The following BSN variants were observed in gnomAD, a reference collection of about 807,000 sequenced individuals.
The protein encoded by BSN is protein bassoon.
BSN carries 57 observed loss-of-function variants against 264.8 expected under a neutral mutation model. That is an observed-to-expected ratio of 0.22 (90% CI 0.17 to 0.27). The LOEUF is 0.27. BSN is among the 10% of genes least tolerant of loss of function. The probability of loss-of-function intolerance (pLI) is 1.00; values close to 1 mark genes in which losing one functional copy is unlikely to be tolerated. For synonymous variants in BSN, 2,059 were observed against 2,137.3 expected (o/e 0.96, Z 1.01); for missense variants, 4,615 against 5,232.5 (o/e 0.88, Z 3.64).
intron 1 of BSN, among the ~76,000 whole-genome samples, chr3:49,571,514 A>T (rs2051795064): frequency 6.6e-6 from 1 of 152,158 alleles, no homozygotes; most frequent in Non-Finnish European, 1.5e-5. Context: ...ATAAGGCTCC[A>T]GGGCCAGAAG....
chr3:49,649,801 C>T (rs901129158), intron 3 of BSN, among the ~76,000 whole-genome samples: 2 of 152,346 alleles, frequency 1.3e-5, no homozygotes, highest in African/African-American at 4.8e-5. Flanking sequence ...GGGCCTGAAA[C>T]AGTAGAGGAT....
chr3:49,602,849 C>G (rs1038253219), intron 1 of BSN, among the ~76,000 whole-genome samples: 3 of 152,170 alleles, frequency 2.0e-5, no homozygotes, highest in Non-Finnish European at 2.9e-5. Context: ...AAGAAACGAC[C>G]AGTTTCTGAT....
intron 1 of BSN, among the ~76,000 whole-genome samples, chr3:49,575,398 GTA>G (rs1191503487): frequency 6.8e-6 from 1 of 146,724 alleles, no homozygotes; most frequent in Non-Finnish European, 1.5e-5. Flanking sequence ...ATATATGTGT[GTA>G]TATATATGTA....
intron 1 of BSN, among the ~76,000 whole-genome samples, chr3:49,561,342 G>A (rs544771200): frequency 1.3e-5 from 2 of 152,134 alleles, no homozygotes; most frequent in African/African-American, 2.4e-5. Flanking sequence ...GTCCTATCTG[G>A]GACTAACCCC....
rs192201007 is a variant in BSN, at chr3:49,635,923, G to C, written c.634-6345G>C. Among the ~76,000 whole-genome samples the C allele has an allele frequency of 4.6e-3, 685 of 150,372 alleles. 3 individuals carry two copies. The highest frequency in any genetic ancestry group is 7.6e-3 in the Non-Finnish European group (513 of 67,828). On this transcript the variant is annotated intron_variant, in intron 2 of 11. Transcript: ENST00000296452. The stretch of plus-strand genomic sequence containing the variant: ...GAGTCTGGGAGGTGGAGGTTGCAGA[G>C]AGCCATGATCATGGCACTGCACTTC...
chr3:49,601,313 A>C (rs1441591754), intron 1 of BSN, among the ~76,000 whole-genome samples: 3 of 152,194 alleles, frequency 2.0e-5, no homozygotes, highest in Non-Finnish European at 4.4e-5. Context: ...AGCCACCTGG[A>C]TGTCACATGT....
chr3:49,561,999 G>A (rs1205943920), intron 1 of BSN, among the ~76,000 whole-genome samples: 3 of 151,888 alleles, frequency 2.0e-5, no homozygotes, highest in Admixed American at 6.6e-5. Context: ...GTAGAGACTG[G>A]GTTTCACCAT....
chr3:49,630,384 G>A (rs1029238202), intron 2 of BSN, among the ~76,000 whole-genome samples: 4 of 152,194 alleles, frequency 2.6e-5, no homozygotes, highest in Non-Finnish European at 5.9e-5. Flanking sequence ...CTAGTCCTTG[G>A]GCAGTTTGCT....
chr3:49,560,740 G>T (rs917423492), intron 1 of BSN, among the ~76,000 whole-genome samples: 1 of 152,194 alleles, frequency 6.6e-6, no homozygotes, highest in East Asian at 1.9e-4. Context: ...TAGCACAGTG[G>T]TTGAAGCTGT....
Position 49,585,304 on chromosome 3 carries a change from G to A in BSN, c.224+30478G>A, listed in dbSNP as rs1368966313. ...GGGAAACAGACTGAGGGAATCAGAA[G>A]CACCACTGTCCATCCGGAATTAAAT... On this transcript the variant is annotated intron_variant, in intron 1 of 11. Transcript: ENST00000296452. The surrounding 1 kb of genome is among the most constrained non-coding windows in gnomAD (Gnocchi z 4.7). Among the ~76,000 whole-genome samples the A allele has an allele frequency of 6.6e-6, 1 of 152,116 alleles. No individual in the cohort carries two copies. Among genetic ancestry groups the A allele is most frequent in the African/African-American group, 2.4e-5 (1 of 41,424 alleles).
chr3:49,573,004 A>C lies in BSN; in HGVS notation c.224+18178A>C, dbSNP rs547054241. 1.6e-4 allele frequency among the ~76,000 whole-genome samples: 24 copies of C among 152,310 alleles called. 1 individual carries two copies. The South Asian group carries it at 5.0e-3, about 32-fold the overall frequency. On this transcript the variant is annotated intron_variant, in intron 1 of 11. Transcript: ENST00000296452. The stretch of plus-strand genomic sequence containing the variant: ...GTACCTGAGGGACCCAGGCTCATGG[A>C]GACTTCTCCACTCCGTCTTTCCTAG...
Position 49,643,080 on chromosome 3 carries a change from T to C in BSN, c.1446T>C (p.Tyr482=). ...TGGGCAGCAAGAGCCCAGCCAACTA[T>C]AACACATGCACCACCTGCAGGCTCC... ...LNVGSKSPAN[Y]NTCTTCRLQV... Residue 482 remains tyrosine, a synonymous_variant, in exon 3 of 12, where the codon TAT becomes TAC. Coordinates refer to ENST00000296452, the MANE Select transcript of BSN (RefSeq NM_003458.4). The C allele has an allele frequency of 1.2e-6, 2 of 1,613,930 alleles. No homozygotes were observed. Among genetic ancestry groups the C allele is most frequent in the South Asian group, 1.1e-5 (1 of 91,082 alleles).
At chr3:49,559,580 C>T (rs9837027) in intron 1 of BSN, among the ~76,000 whole-genome samples, 45,453 of 152,082 alleles carry the variant, frequency 0.3, 7,286 homozygotes, top group Middle Eastern at 0.32. Flanking sequence ...TATGAATTTA[C>T]TTTTATTATT....
In BSN at chr3:49,660,341, G is replaced by C; in HGVS notation, c.8641-145G>C. The C allele has an allele frequency of 6.8e-7, 1 of 1,476,124 alleles. No individual in the cohort carries two copies. Among genetic ancestry groups the C allele is most frequent in the Non-Finnish European group, 9.0e-7 (1 of 1,109,410 alleles). 91.4% of individuals were successfully genotyped at this position (1,476,124 alleles called of 1,614,324 possible). On this transcript the variant is annotated intron_variant, in intron 5 of 11. Coordinates refer to ENST00000296452, the MANE Select transcript of BSN (RefSeq NM_003458.4). The surrounding 1 kb of genome is among the most constrained non-coding windows in gnomAD (Gnocchi z 7.1). ...CAAGGCCTATGGGTGGGCAGGGTAGGCCTCCAGGCTGCCTGGTAAATCAGG... is the reference window on the plus strand; with the variant it reads ...CAAGGCCTATGGGTGGGCAGGGTAGCCCTCCAGGCTGCCTGGTAAATCAGG...
intron 1 of BSN, among the ~76,000 whole-genome samples, chr3:49,605,583 TATATTTA>T (rs2052120663): frequency 5.9e-5 from 1 of 16,924 alleles, no homozygotes; most frequent in African/African-American, 2.3e-4. Flanking sequence ...ATATATATTA[TATATTTA>T]TATATAATAT....
At chr3:49,559,276 A>G (rs1262417398) in intron 1 of BSN, among the ~76,000 whole-genome samples, 1 of 152,118 alleles carries the variant, frequency 6.6e-6, no homozygotes, top group African/African-American at 2.4e-5. Context: ...AATTTCAAAC[A>G]TACATGAAAG....
intron 1 of BSN, among the ~76,000 whole-genome samples, chr3:49,599,677 T>C (rs893637721): frequency 2.0e-5 from 3 of 152,194 alleles, no homozygotes; most frequent in East Asian, 1.9e-4. Context: ...CTTTAAATGA[T>C]TGTTCATTAT....
rs1380631190 is a variant in BSN, at chr3:49,660,676, T to C, written c.8831T>C (p.Leu2944Pro). Residue 2944 changes from leucine (L) to proline (P), a missense_variant, in exon 6 of 12, where the codon CTG becomes CCG. Physicochemically the swap from Leu to Pro is moderately conservative, Grantham distance 98 (BLOSUM62 -3). This residue lies in a region of BSN where 3,415 missense variants were observed against 3,866.4 expected (regional missense o/e 0.88). Coordinates refer to ENST00000296452, the MANE Select transcript of BSN (RefSeq NM_003458.4). This position sits in a 1 kb window ranked among gnomAD's most constrained non-coding sequence, Gnocchi z 7.1. ...PATKASLLRE[L>P]DRDLRLVEHE... The stretch of plus-strand genomic sequence containing the variant: ...ACCAAGGCCAGCCTGCTCCGGGAGC[T>C]GGACCGGGACCTGCGGCTGGTGGAG... 1.2e-6 allele frequency: 2 copies of C among 1,613,360 alleles called. No homozygotes were observed. The highest frequency in any genetic ancestry group is 1.7e-6 in the Non-Finnish European group (2 of 1,179,984).
chr3:49,647,486 T>TA (rs2052509984), intron 3 of BSN, among the ~76,000 whole-genome samples: 1 of 152,104 alleles, frequency 6.6e-6, no homozygotes, highest in Admixed American at 6.5e-5. Context: ...CCCCTGCCCT[T>TA]TTGTCAAAGA....
Sources: gnomAD v4.1 joint callset for allele counts (sites outside exome capture counted in the v4.1 genomes callset) on GRCh38, gnomAD v4.1.1 for gene constraint, gnomAD v4.1.1 regional missense constraint, Gnocchi (gnomAD v3.1) non-coding constraint, MANE v1.5 for transcripts, NCBI Gene and HGNC (gene_info 2026-07-23, HGNC 2026-07-21) for gene names.